THSD4: variants seen among roughly 807,000 people sequenced by gnomAD.
THSD4 encodes thrombospondin type-1 domain-containing protein 4.
In THSD4, 69 loss-of-function variants were observed where a neutral mutation model predicts 119.0. That is an observed-to-expected ratio of 0.58 (90% CI 0.48 to 0.71). THSD4 has a LOEUF of 0.71. Ranked by LOEUF, THSD4 falls within the 30% of genes least tolerant of loss-of-function variation. The pLI is 0.00. For synonymous variants in THSD4, 524 were observed against 540.4 expected (o/e 0.97, Z 0.42); for missense variants, 1,393 against 1,391.1 (o/e 1.00, Z -0.02).
chr15:71,427,241 A>ACATTGGGCAAGG (rs1555412631), intron 7 of THSD4, among the ~76,000 whole-genome samples: 1 of 149,600 alleles, frequency 6.7e-6, no homozygotes, highest in Non-Finnish European at 1.5e-5. Flanking sequence ...TCACTGCCAT[A>ACATTGGGCAAGG]CACTGGGCAA....
chr15:71,778,978 T>C lies in THSD4; in HGVS notation c.*1604T>C, dbSNP rs546522042. ...TTATGGTCCTGAGCATATTTCCCTT[T>C]TAGAGCAAGCCTGGATTCTTAGCAA... On this transcript the variant is annotated 3_prime_UTR_variant, in exon 18 of 18. Transcript: ENST00000261862. The C allele has an allele frequency of 5.3e-5, 8 of 152,364 alleles. No homozygotes were observed. The highest frequency in any genetic ancestry group is 3.4e-3 in the Middle Eastern group (1 of 294). The allele number at this position is 152,364 out of a possible 1,614,324, so 9.4% of individuals were successfully genotyped here.
At chr15:71,693,343 T>C (rs2052093496) in intron 8 of THSD4, among the ~76,000 whole-genome samples, 1 of 152,136 alleles carries the variant, frequency 6.6e-6, no homozygotes, top group South Asian at 2.1e-4. Context: ...GATCCTAAAT[T>C]GGTGGATAAA....
At chr15:71,183,503 T>A (rs529267482) in intron 3 of THSD4, among the ~76,000 whole-genome samples, 1 of 151,766 alleles carries the variant, frequency 6.6e-6, no homozygotes, top group East Asian at 1.9e-4. Context: ...GTGATAATAG[T>A]ACCTATCACG....
intron 8 of THSD4, among the ~76,000 whole-genome samples, chr15:71,722,255 C>T (rs76567397): frequency 0.022 from 3,316 of 152,236 alleles, 106 homozygotes; most frequent in African/African-American, 0.076. Flanking sequence ...GTTTCAGAAG[C>T]CAATTCATGG....
chr15:71,618,972 CT>C (rs1035821802), intron 7 of THSD4, among the ~76,000 whole-genome samples: 3 of 146,556 alleles, frequency 2.0e-5, no homozygotes, highest in Admixed American at 6.8e-5. Flanking sequence ...CTTGAATATT[CT>C]TTTTTTTTTC....
chr15:71,333,915 G>T (rs1157917439), intron 6 of THSD4, among the ~76,000 whole-genome samples: 1 of 152,032 alleles, frequency 6.6e-6, no homozygotes, highest in Admixed American at 6.6e-5. Context: ...ACCTCCCTCT[G>T]GTCTTTATCC....
At chr15:71,114,394 A>C (rs1378523043), upstream of THSD4, among the ~76,000 whole-genome samples, 1 of 152,074 alleles carries the variant, frequency 6.6e-6, no homozygotes, top group African/African-American at 2.4e-5. Flanking sequence ...CCCTGCAGGC[A>C]AGCTTTAGAG....
chr15:71,520,350 A>G (rs747323632), intron 7 of THSD4, among the ~76,000 whole-genome samples: 22 of 152,160 alleles, frequency 1.4e-4, no homozygotes, highest in Non-Finnish European at 3.1e-4. Context: ...CCTGAATGAC[A>G]CTAGAGGAAG....
chr15:71,213,953 A>G (rs2043907932), intron 3 of THSD4, among the ~76,000 whole-genome samples: 1 of 152,196 alleles, frequency 6.6e-6, no homozygotes, highest in African/African-American at 2.4e-5. Flanking sequence ...TCACACTGCT[A>G]TTGAGAGGTG....
At chr15:71,138,970 T>TCCC (rs1323152943) in intron 1 of THSD4, among the ~76,000 whole-genome samples, 91 of 140,856 alleles carry the variant, frequency 6.5e-4, no homozygotes, top group African/African-American at 2.7e-3. Context: ...ACAAACAGTA[T>TCCC]CCCTCCCCCC....
chr15:71,318,112 A>G (rs2045216772), intron 6 of THSD4, among the ~76,000 whole-genome samples: 1 of 152,118 alleles, frequency 6.6e-6, no homozygotes, highest in Non-Finnish European at 1.5e-5. Flanking sequence ...GCATGGAGTT[A>G]CTTGTTCCTA....
intron 3 of THSD4, among the ~76,000 whole-genome samples, chr15:71,193,680 T>G (rs1341210194): frequency 6.6e-6 from 1 of 151,586 alleles, no homozygotes; most frequent in Non-Finnish European, 1.5e-5. Context: ...CTCACGGTAG[T>G]GAATAAGTCT....
chr15:71,637,747 C>T (rs1595815083), intron 7 of THSD4, among the ~76,000 whole-genome samples: 2 of 149,858 alleles, frequency 1.3e-5, no homozygotes, highest in South Asian at 4.2e-4. Context: ...TTTTTTGAGA[C>T]GGAGTTTAGC....
chr15:71,383,855 A>G (rs1428449393), intron 6 of THSD4, among the ~76,000 whole-genome samples: 1 of 152,248 alleles, frequency 6.6e-6, no homozygotes, highest in Non-Finnish European at 1.5e-5. Context: ...GATTTCAAGT[A>G]TACAAGAGGA....
At chr15:71,234,443 C>T (rs1280642976) in intron 4 of THSD4, among the ~76,000 whole-genome samples, 23 of 152,218 alleles carry the variant, frequency 1.5e-4, no homozygotes, top group Admixed American at 1.4e-3. Flanking sequence ...TAGCTGGGAC[C>T]ACAGGCATAT....
intron 7 of THSD4, among the ~76,000 whole-genome samples, chr15:71,456,801 C>T (rs1010661267): frequency 2.0e-5 from 3 of 152,178 alleles, no homozygotes; most frequent in Admixed American, 6.5e-5. Context: ...AAGAAATTTT[C>T]CCTTCAAAAA....
chr15:71,647,469 A>C (rs1362454002), intron 7 of THSD4, among the ~76,000 whole-genome samples: 1 of 152,206 alleles, frequency 6.6e-6, no homozygotes, highest in Non-Finnish European at 1.5e-5. Flanking sequence ...AATGCATGGA[A>C]CACAATGTCT....
At chr15:71,368,000 A>G (rs1219174506) in intron 6 of THSD4, among the ~76,000 whole-genome samples, 3 of 152,092 alleles carry the variant, frequency 2.0e-5, no homozygotes, top group Non-Finnish European at 4.4e-5. Flanking sequence ...ATGGTATCTC[A>G]TTGTGGTTTT....
chr15:71,705,228 C>T (rs2052371742), intron 8 of THSD4, among the ~76,000 whole-genome samples: 1 of 152,200 alleles, frequency 6.6e-6, no homozygotes, highest in Admixed American at 6.5e-5. Flanking sequence ...AGCAGGTGTC[C>T]CTCAAACTGA....
Sources: gnomAD v4.1 joint callset for allele counts (sites outside exome capture counted in the v4.1 genomes callset) on GRCh38, gnomAD v4.1.1 for gene constraint, MANE v1.5 for transcripts, NCBI Gene and HGNC (gene_info 2026-07-23, HGNC 2026-07-21) for gene names.